HELZ: variants seen among roughly 807,000 people sequenced by gnomAD.
HELZ encodes the protein helicase with zinc finger.
HELZ carries 23 observed loss-of-function variants against 218.2 expected under a neutral mutation model. The ratio of observed to expected loss-of-function variants is 0.11; its 90% CI spans 0.08 to 0.15. The LOEUF (loss-of-function observed/expected upper bound fraction) is 0.15, where lower values mean the gene tolerates loss of function less well. Among genes scored for constraint, HELZ ranks in the 10% least tolerant of loss-of-function variants. The pLI is 1.00. For missense variants in HELZ, 1,813 were observed against 2,353.7 expected, an observed-to-expected ratio of 0.77 and a Z score of 4.75; for synonymous variants, 814 against 829.4, an observed-to-expected ratio of 0.98 and a Z score of 0.32.
At chr17:67,211,460 A>G (rs902768777) in intron 5 of HELZ, among the ~76,000 whole-genome samples, 5 of 152,238 alleles carry the variant, frequency 3.3e-5, no homozygotes, top group African/African-American at 1.2e-4. Context: ...GAAAAAATGA[A>G]GTAAATATGG....
At chr17:67,137,479 A>T (rs1345043923) in intron 22 of HELZ, among the ~76,000 whole-genome samples, 2 of 152,232 alleles carry the variant, frequency 1.3e-5, no homozygotes, top group Admixed American at 1.3e-4. Context: ...ATTAGAGTTC[A>T]CATCAGAGTG....
Position 67,218,760 on chromosome 17 carries a change from T to A in HELZ, c.45A>T (p.Glu15Asp), listed in dbSNP as rs764780578. Residue 15 changes from glutamate (E) to aspartate (D), a missense_variant, in exon 4 of 33, where the codon GAA becomes GAT. Glu to Asp is a conservative substitution (Grantham distance 45). Transcript: ENST00000358691. ...RAEKSCEQAC[E>D]SLKRQDYEMA... ...TTTCATAGTCCTGCCTCTTAAGTGA[T>A]TCACATGCTTGTTCACATGACTTTT... 3.7e-6 allele frequency: 6 copies of A among 1,614,234 alleles called. No individual in the cohort carries two copies. The South Asian group carries it at 6.6e-5, about 18-fold the overall frequency.
intron 32 of HELZ, among the ~76,000 whole-genome samples, chr17:67,084,918 C>T (rs557317312): frequency 7.4e-4 from 112 of 151,986 alleles, no homozygotes; most frequent in Non-Finnish European, 1.4e-3. Context: ...TCAGCCTGGC[C>T]AACACGATGT....
intron 3 of HELZ, among the ~76,000 whole-genome samples, chr17:67,232,520 GA>G (rs1260217873): frequency 6.6e-6 from 1 of 151,552 alleles, no homozygotes; most frequent in Admixed American, 6.6e-5. Context: ...AGTCCCAGAA[GA>G]CTTAAGTTAA....
chr17:67,086,645 T>A (rs1452710434), intron 32 of HELZ, among the ~76,000 whole-genome samples, 184 bp downstream of exon 32: 38 of 133,930 alleles, frequency 2.8e-4, no homozygotes, highest in African/African-American at 8.7e-4. Flanking sequence ...TATATATATA[T>A]ATATATATAT....
chr17:67,210,477 G>C (rs1387072557), intron 5 of HELZ, among the ~76,000 whole-genome samples: 2 of 152,112 alleles, frequency 1.3e-5, no homozygotes, highest in African/African-American at 4.8e-5. Flanking sequence ...CTCTTAGCTA[G>C]GCTTTACAAA....
chr17:67,198,324 C>T (rs2040084263), intron 7 of HELZ, among the ~76,000 whole-genome samples: 1 of 152,362 alleles, frequency 6.6e-6, no homozygotes, highest in African/African-American at 2.4e-5. Context: ...CCGCACGGGC[C>T]TGTGCTGACA....
chr17:67,210,515 T>C lies in HELZ; in HGVS notation c.247+5384A>G, dbSNP rs558287996. ...TTACAGCCTCATAAAAAATTTTCAT[T>C]GATGTTTATGATGGTTAAGTTTAAC... On this transcript the variant is annotated intron_variant, in intron 5 of 32. Transcript: ENST00000358691. Among the ~76,000 whole-genome samples, 3 of 152,328 alleles carry C rather than the reference T, an allele frequency of 2.0e-5. No homozygotes were observed. The South Asian group carries it at 6.2e-4, about 32-fold the overall frequency.
chr17:67,208,485 C>T (rs1301258767), intron 5 of HELZ, among the ~76,000 whole-genome samples: 1 of 152,020 alleles, frequency 6.6e-6, no homozygotes, highest in Non-Finnish European at 1.5e-5. Flanking sequence ...GTACGTGGGA[C>T]CTCTCTGTAT....
chr17:67,154,287 G>A (rs2038774513), intron 17 of HELZ, among the ~76,000 whole-genome samples: 1 of 152,126 alleles, frequency 6.6e-6, no homozygotes. Flanking sequence ...AATTAGCCTG[G>A]CATGGTGGCA....
In HELZ at chr17:67,075,722, A is replaced by G. The variant is rs1269231205; in HGVS notation, c.*2530T>C. 1 of 152,312 alleles carries G rather than the reference A, an allele frequency of 6.6e-6. No homozygotes were observed. Among genetic ancestry groups the G allele is most frequent in the Non-Finnish European group, 1.5e-5 (1 of 68,034 alleles). The allele number at this position is 152,312 out of a possible 1,614,324, so 9.4% of individuals were successfully genotyped here. A position where few individuals can be genotyped will look rare whatever the true frequency, so the allele number is the denominator to read the frequency against. On this transcript the variant is annotated 3_prime_UTR_variant, in exon 33 of 33. Transcript: ENST00000358691. ...AGGAAGAGTAAGCTTGTTGTAAGTC[A>G]AAATAAGCATTTGATGCAGAATCTA...
chr17:67,195,488 A>G lies in HELZ; in HGVS notation c.430-18T>C. ...GTTGCTGTCTGCAATTTTCCAAATGAAAGAATTTTTTAAACAAGAATAACG... is the reference window on the plus strand; with the variant it reads ...GTTGCTGTCTGCAATTTTCCAAATGGAAGAATTTTTTAAACAAGAATAACG... On this transcript the variant is annotated intron_variant, in intron 7 of 32. Transcript: ENST00000358691. 1.9e-6 allele frequency: 3 copies of G among 1,539,420 alleles called. No homozygotes were observed. The highest frequency in any genetic ancestry group is 2.3e-5 in the South Asian group (2 of 88,796).
intron 12 of HELZ, among the ~76,000 whole-genome samples, chr17:67,185,779 C>A (rs1325576705): frequency 1.3e-5 from 2 of 151,960 alleles, no homozygotes; most frequent in African/African-American, 4.8e-5. Context: ...TATCACATAA[C>A]TACTTAAAAG....
chr17:67,222,264 T>C (rs1240485609), intron 3 of HELZ, among the ~76,000 whole-genome samples: 2 of 152,154 alleles, frequency 1.3e-5, no homozygotes, highest in African/African-American at 4.8e-5. Flanking sequence ...TCCATCTCAA[T>C]ACACTGGTAA....
At chr17:67,213,884 G>T (rs780593204) in intron 5 of HELZ, among the ~76,000 whole-genome samples, 1 of 152,070 alleles carries the variant, frequency 6.6e-6, no homozygotes, top group African/African-American at 2.4e-5. Context: ...CAATATTCAT[G>T]GTATACTGAT....
rs1029543308 is a variant in HELZ, at chr17:67,074,989, A to AC, written c.*3262dup. ...TAGTTTAAATGGTCAATAATTAACT[A>AC]CTGATTAATCAAAAACAAAGTTCTG... is the stretch of plus-strand genomic sequence containing the variant. On this transcript the variant is annotated 3_prime_UTR_variant, in exon 33 of 33. Coordinates refer to ENST00000358691, the MANE Select transcript of HELZ (RefSeq NM_014877.4). 85 of 152,310 alleles carry AC rather than the reference A, an allele frequency of 5.6e-4. 1 individual carries two copies. The highest frequency in any genetic ancestry group is 2.0e-3 in the African/African-American group (84 of 41,574). The allele number at this position is 152,310 out of a possible 1,614,324, so 9.4% of individuals were successfully genotyped here.
At chr17:67,197,515 T>C in intron 7 of HELZ, among the ~76,000 whole-genome samples, 1 of 152,228 alleles carries the variant, frequency 6.6e-6, no homozygotes, top group Non-Finnish European at 1.5e-5. Context: ...ACTTACTGAC[T>C]GCAGGCTGCC....
At chr17:67,134,891 T>C (rs2143933358) in intron 23 of HELZ, among the ~76,000 whole-genome samples, 1 of 152,274 alleles carries the variant, frequency 6.6e-6, no homozygotes, top group Admixed American at 6.5e-5. Flanking sequence ...CTATGACAGG[T>C]ACTAGCACAC....
Position 67,120,966 on chromosome 17 carries a change from T to C in HELZ, c.3631-354A>G, listed in dbSNP as rs112108194. Reference sequence around the variant, plus strand: ...TGAATGTATACATGTCAGATTACCATAAAAATAATCTTTTAAAGTCATAAT... The same window carrying C: ...TGAATGTATACATGTCAGATTACCACAAAAATAATCTTTTAAAGTCATAAT... On this transcript the variant is annotated intron_variant, in intron 26 of 32. Transcript: ENST00000358691. Among the ~76,000 whole-genome samples the C allele has an allele frequency of 6.0e-3, 907 of 152,308 alleles. 10 individuals carry two copies. The highest frequency in any genetic ancestry group is 0.014 in the Middle Eastern group (4 of 294).
Sources: allele counts gnomAD v4.1 joint callset (sites outside exome capture counted in the v4.1 genomes callset), GRCh38; gene constraint gnomAD v4.1.1; transcripts MANE v1.5; gene names NCBI Gene and HGNC (gene_info 2026-07-23, HGNC 2026-07-21).